The following AUTS2 variants were observed in gnomAD, a reference collection of about 807,000 sequenced individuals.
AUTS2 encodes activator of transcription and developmental regulator AUTS2.
Under a neutral mutation model 112.4 loss-of-function variants are expected in AUTS2, and 17 were observed. That is an observed-to-expected ratio of 0.15 (90% confidence interval 0.10 to 0.23). The LOEUF is 0.23. AUTS2 is among the 10% of genes least tolerant of loss of function. The pLI is 1.00. For synonymous variants in AUTS2, 751 were observed against 702.7 expected (o/e 1.07, Z -1.09); for missense variants, 1,510 against 1,701.6 (o/e 0.89, Z 1.98).
chr7:70,507,309 C>T (rs58726913), intron 5 of AUTS2, among the ~76,000 whole-genome samples: 1 of 151,920 alleles, frequency 6.6e-6, no homozygotes, highest in Non-Finnish European at 1.5e-5. Context: ...GAGGCTGAGG[C>T]GGGAGGATCG....
At chr7:70,303,428 G>GCA (rs1720904843) in intron 4 of AUTS2, among the ~76,000 whole-genome samples, 2 of 112,832 alleles carry the variant, frequency 1.8e-5, no homozygotes, top group Non-Finnish European at 3.7e-5. Flanking sequence ...ACACACGCGC[G>GCA]CGCGCGCACA....
chr7:70,353,598 T>C (rs1341899234), intron 4 of AUTS2, among the ~76,000 whole-genome samples: 2 of 152,192 alleles, frequency 1.3e-5, no homozygotes, highest in Admixed American at 6.5e-5. Context: ...TTAAGTCCCC[T>C]GAAAGCCCCC....
Position 70,791,120 on chromosome 7 carries a change from TA to T in AUTS2, c.*130del, listed in dbSNP as rs550188867. On this transcript the variant is annotated 3_prime_UTR_variant, in exon 19 of 19. Transcript: ENST00000342771. ...GGGAAAGCCCCACCCCTTCCCCTTG[TA>T]AAAAATGTATAGACTCAGTGCACAT... 2.0e-6 allele frequency: 2 copies of T among 985,410 alleles called. No individual in the cohort carries two copies. Among genetic ancestry groups the T allele is most frequent in the South Asian group, 7.2e-5 (2 of 27,798 alleles). 61.0% of individuals were successfully genotyped at this position (985,410 alleles called of 1,614,324 possible). A position where few individuals can be genotyped will look rare whatever the true frequency, so the allele number is the denominator to read the frequency against.
chr7:69,770,484 G>A (rs928139691), intron 1 of AUTS2, among the ~76,000 whole-genome samples: 17 of 152,112 alleles, frequency 1.1e-4, no homozygotes, highest in African/African-American at 3.9e-4. Flanking sequence ...CCTGAGATGT[G>A]TTTTGAGGTG....
chr7:69,844,174 A>G (rs907001461), intron 1 of AUTS2, among the ~76,000 whole-genome samples: 2 of 152,220 alleles, frequency 1.3e-5, no homozygotes, highest in African/African-American at 2.4e-5. Flanking sequence ...TACAGTTATT[A>G]GAAAGAAATA....
intron 5 of AUTS2, among the ~76,000 whole-genome samples, chr7:70,594,101 G>T: frequency 6.6e-6 from 1 of 152,156 alleles, no homozygotes; most frequent in Admixed American, 6.5e-5. Context: ...AGAATACTAT[G>T]CCTCAATCCT....
intron 4 of AUTS2, among the ~76,000 whole-genome samples, chr7:70,151,864 G>A (rs1807459342): frequency 6.6e-6 from 1 of 152,056 alleles, no homozygotes; most frequent in African/African-American, 2.4e-5. Context: ...GACATTCAAG[G>A]AACCAGGAGA....
intron 2 of AUTS2, among the ~76,000 whole-genome samples, chr7:70,053,489 G>GT (rs909078323): frequency 2.7e-5 from 4 of 150,250 alleles, no homozygotes; most frequent in Non-Finnish European, 5.9e-5. Flanking sequence ...AAATTTCAGT[G>GT]TTTTTTGCGT....
chr7:70,301,162 A>T (rs1789191657), intron 4 of AUTS2, among the ~76,000 whole-genome samples: 1 of 152,236 alleles, frequency 6.6e-6, no homozygotes, highest in Non-Finnish European at 1.5e-5. Flanking sequence ...ATTTGCGTGC[A>T]TAGTGATATT....
chr7:69,972,258 C>G (rs1472164727), intron 2 of AUTS2, among the ~76,000 whole-genome samples: 1 of 152,084 alleles, frequency 6.6e-6, no homozygotes, highest in Non-Finnish European at 1.5e-5. Context: ...TGTTAAATGT[C>G]TCTTGCTCTT....
chr7:70,282,732 C>A (rs201003518), intron 4 of AUTS2, among the ~76,000 whole-genome samples: 2 of 152,292 alleles, frequency 1.3e-5, no homozygotes, highest in Admixed American at 6.5e-5. Flanking sequence ...CAAGCTAGCA[C>A]ACTTGCCATA....
chr7:70,089,501 A>AT (rs567757959), intron 2 of AUTS2, among the ~76,000 whole-genome samples: 132 of 151,466 alleles, frequency 8.7e-4, no homozygotes, highest in South Asian at 4.6e-3. Flanking sequence ...TTTAGAGTCC[A>AT]TTTTTTTTAA....
In AUTS2 at chr7:70,450,353, C is replaced by A. The variant is rs554562982; in HGVS notation, c.690+14572C>A. On this transcript the variant is annotated intron_variant, in intron 5 of 18. Transcript: ENST00000342771. ...TCTGAATGCAAAAAACTGAGCCATACTCTGTAAGGGAGGAAGCAATTGAGT... is the reference window on the plus strand; with the variant it reads ...TCTGAATGCAAAAAACTGAGCCATAATCTGTAAGGGAGGAAGCAATTGAGT... Among the ~76,000 whole-genome samples, 5 of 152,312 alleles carry A rather than the reference C, an allele frequency of 3.3e-5. No individual in the cohort carries two copies. In the East Asian group the frequency reaches 9.6e-4, roughly 29 times the overall value.
intron 2 of AUTS2, among the ~76,000 whole-genome samples, chr7:70,101,343 A>G (rs1485439649): frequency 1.3e-5 from 2 of 151,822 alleles, no homozygotes; most frequent in Admixed American, 6.6e-5. Context: ...ATTGAATGCT[A>G]TCTGGCTTAT....
chr7:70,537,857 T>C (rs1350598711), intron 5 of AUTS2, among the ~76,000 whole-genome samples: 1 of 152,186 alleles, frequency 6.6e-6, no homozygotes, highest in African/African-American at 2.4e-5. Flanking sequence ...TTGAGAAACC[T>C]GACTGCCGAA....
chr7:70,229,851 C>G (rs1308551152), intron 4 of AUTS2, among the ~76,000 whole-genome samples: 1 of 152,092 alleles, frequency 6.6e-6, no homozygotes, highest in Non-Finnish European at 1.5e-5. Flanking sequence ...TGGTGAGGTT[C>G]TCTAGTGAAT....
At chr7:70,621,838 C>CT (rs67123941) in intron 5 of AUTS2, among the ~76,000 whole-genome samples, 1,765 of 66,786 alleles carry the variant, frequency 0.026, 495 homozygotes, top group African/African-American at 0.061. Flanking sequence ...TAGTCATTCT[C>CT]TTTTTTTTTT....
intron 2 of AUTS2, among the ~76,000 whole-genome samples, chr7:69,978,474 T>A (rs1045665612): frequency 2.6e-5 from 4 of 152,206 alleles, no homozygotes; most frequent in Admixed American, 6.5e-5. Context: ...GATACTGAAT[T>A]AAGTGCAGGA....
chr7:70,553,752 CT>C (rs1338608636), intron 5 of AUTS2, among the ~76,000 whole-genome samples: 1 of 130,640 alleles, frequency 7.7e-6, no homozygotes, highest in Non-Finnish European at 1.6e-5. Flanking sequence ...AGAAAGAGGC[CT>C]TTCTTTCTTT....
Sources: gnomAD v4.1 joint callset for allele counts (sites outside exome capture counted in the v4.1 genomes callset) on GRCh38, gnomAD v4.1.1 for gene constraint, MANE v1.5 for transcripts, NCBI Gene and HGNC (gene_info 2026-07-23, HGNC 2026-07-21) for gene names.